CRYBG3: variants seen among roughly 807,000 people sequenced by gnomAD.
The protein encoded by CRYBG3 is very large A-kinase anchor protein.
CRYBG3 carries 127 observed loss-of-function variants against 244.2 expected under a neutral mutation model. The observed-to-expected ratio is 0.52, with a 90% CI of 0.45 to 0.60. The LOEUF is 0.60. Ranked by LOEUF, CRYBG3 falls within the 20% of genes least tolerant of loss-of-function variation. CRYBG3 has a pLI of 0.00. For missense variants in CRYBG3, 3,325 were observed against 3,442.5 expected (o/e 0.97, Z 0.85); for synonymous variants, 1,132 against 1,195.8 (o/e 0.95, Z 1.10).
Position 97,874,255 on chromosome 3 carries a change from T to C in CRYBG3, c.3061T>C (p.Ser1021Pro), listed in dbSNP as rs866040277. 5.2e-6 allele frequency: 8 copies of C among 1,535,290 alleles called. No homozygotes were observed. In the African/African-American group the frequency reaches 8.2e-5, roughly 16 times the overall value. The change falls in exon 4 of 22, where the codon TCT becomes CCT. Residue 1021 changes from serine to proline, a missense_variant. Around this residue, in one of 4 missense-constraint regions of CRYBG3, gnomAD observed 1,526 missense variants for 1,443.2 expected, o/e 1.06. Coordinates refer to ENST00000389622, the MANE Select transcript of CRYBG3 (RefSeq NM_153605.4). ...DSDSSLEKNS[S>P]ASEDSSFLKV... ...TGATTCCAGTTTGGAAAAAAATTCT[T>C]CTGCATCTGAGGACTCAAGCTTCCT...
In CRYBG3 at chr3:97,943,611, A is replaced by T; in HGVS notation, c.*297A>T. 1 of 323,078 alleles carries T rather than the reference A, an allele frequency of 3.1e-6. No individual in the cohort carries two copies. The highest frequency in any genetic ancestry group is 5.6e-6 in the Non-Finnish European group (1 of 178,472). The allele number at this position is 323,078 out of a possible 1,614,324, so 20.0% of individuals were successfully genotyped here. ...GAAGTGTTTATTTTCTCTCATATCCACCAAACGTGAATCCTGTTCCTGATG... is the reference window on the plus strand; with the variant it reads ...GAAGTGTTTATTTTCTCTCATATCCTCCAAACGTGAATCCTGTTCCTGATG... On this transcript the variant is annotated 3_prime_UTR_variant, in exon 22 of 22. Transcript: ENST00000389622.
chr3:97,876,458 T>C lies in CRYBG3; in HGVS notation c.5264T>C (p.Val1755Ala), dbSNP rs2039373233. The C allele has an allele frequency of 8.1e-7, 1 of 1,231,818 alleles. No homozygotes were observed. The highest frequency in any genetic ancestry group is 4.1e-5 in the South Asian group (1 of 24,306). 76.3% of individuals were successfully genotyped at this position (1,231,818 alleles called of 1,614,324 possible). A position where few individuals can be genotyped will look rare whatever the true frequency, so the allele number is the denominator to read the frequency against. Residue 1755 changes from valine to alanine, a missense_variant, in exon 4 of 22, where the codon GTG becomes GCG. Around this residue, in one of 4 missense-constraint regions of CRYBG3, gnomAD observed 635 missense variants for 771.7 expected, o/e 0.82. Coordinates refer to ENST00000389622, the MANE Select transcript of CRYBG3 (RefSeq NM_153605.4). ...DTERDGGKTEVMPLALEVVNT... is the reference protein window; with the variant it reads ...DTERDGGKTEAMPLALEVVNT... ...GAAAGAGACGGTGGCAAAACTGAGG[T>C]GATGCCCCTTGCATTAGAGGTAGTA...
chr3:97,881,053 T>C lies in CRYBG3; in HGVS notation c.7005-19T>C, dbSNP rs2039440475. ...TAGAAAATTAAATATAACTCATCAT[T>C]GCATTTCTCTTTGTTTAGCTGGATT... On this transcript the variant is annotated intron_variant, in intron 6 of 21. Transcript: ENST00000389622. 1 of 1,563,426 alleles carries C rather than the reference T, an allele frequency of 6.4e-7. No individual in the cohort carries two copies. The highest frequency in any genetic ancestry group is 2.0e-5 in the Admixed American group (1 of 49,198).
chr3:97,877,800 A>T lies in CRYBG3; in HGVS notation c.6606A>T (p.Glu2202Asp). The change falls in exon 4 of 22, where the codon GAA becomes GAT. Residue 2202 changes from glutamate to aspartate, a missense_variant. Around this residue, in one of 4 missense-constraint regions of CRYBG3, gnomAD observed 450 missense variants for 424.1 expected, o/e 1.06. Coordinates refer to ENST00000389622, the MANE Select transcript of CRYBG3 (RefSeq NM_153605.4). ...AGAATTCATATGTGATGCCAAATGA[A>T]CCTACTACCTCCAATCTGCAAGTTG... ...ISKNSYVMPN[E>D]PTTSNLQVGL... is the part of the protein sequence containing the mutation. 1 of 1,614,034 alleles carries T rather than the reference A, an allele frequency of 6.2e-7. No homozygotes were observed. Among genetic ancestry groups the T allele is most frequent in the Non-Finnish European group, 8.5e-7 (1 of 1,179,990 alleles).
At chr3:97,935,570 C>T (rs887016789) in intron 18 of CRYBG3, among the ~76,000 whole-genome samples, 19 of 152,180 alleles carry the variant, frequency 1.2e-4, no homozygotes, top group Non-Finnish European at 2.6e-4. Flanking sequence ...CTCAGCTCTC[C>T]CCTTCTCCCC....
chr3:97,826,599 T>G (rs1368938131), intron 1 of CRYBG3, among the ~76,000 whole-genome samples: 1 of 152,128 alleles, frequency 6.6e-6, no homozygotes, highest in Non-Finnish European at 1.5e-5. Flanking sequence ...TAGGTGGTTG[T>G]AAAATTAAGG....
At chr3:97,848,490 A>G (rs552900790) in intron 2 of CRYBG3, among the ~76,000 whole-genome samples, 1 of 152,218 alleles carries the variant, frequency 6.6e-6, no homozygotes, top group East Asian at 1.9e-4. Flanking sequence ...TTTAGTAGAG[A>G]CAAGGTTTCA....
In CRYBG3 at chr3:97,877,609, G is replaced by T. The variant is rs974814163; in HGVS notation, c.6415G>T (p.Asp2139Tyr). 6.2e-7 allele frequency: 1 copy of T among 1,614,060 alleles called. No homozygotes were observed. Among genetic ancestry groups the T allele is most frequent in the African/African-American group, 1.3e-5 (1 of 75,018 alleles). The change falls in exon 4 of 22, where the codon GAT becomes TAT. Residue 2139 changes from aspartate (D) to tyrosine (Y), a missense_variant. By Grantham distance (160) the Asp-to-Tyr change is radical (BLOSUM62 -3). This residue lies in a region of CRYBG3 where 450 missense variants were observed against 424.1 expected (regional missense o/e 1.06). Coordinates refer to ENST00000389622, the MANE Select transcript of CRYBG3 (RefSeq NM_153605.4). ...GTCAGAACGTTTAAAGATGAATTTT[G>T]ATGAAGATGACAGAGAGGCAGCTGA... ...SVSERLKMNF[D>Y]EDDREAADEE...
At chr3:97,841,206 A>T (rs566671957) in intron 1 of CRYBG3, among the ~76,000 whole-genome samples, 1 of 149,510 alleles carries the variant, frequency 6.7e-6, no homozygotes, top group Non-Finnish European at 1.5e-5. Flanking sequence ...ATATATGTAT[A>T]TATGTATATA....
At chr3:97,893,058 C>G in intron 11 of CRYBG3, 65 bp downstream of exon 11, 3 of 1,369,566 alleles carry the variant, frequency 2.2e-6, no homozygotes, top group Non-Finnish European at 3.0e-6. Context: ...CAAAAATGTG[C>G]TAAGCAAAGC....
intron 2 of CRYBG3, among the ~76,000 whole-genome samples, chr3:97,843,518 C>T (rs2038852941): frequency 1.3e-5 from 2 of 152,152 alleles, no homozygotes; most frequent in Non-Finnish European, 2.9e-5. Context: ...GTGTGATCTT[C>T]AGCTGAGGAT....
chr3:97,823,693 C>A (rs998323680), intron 1 of CRYBG3, among the ~76,000 whole-genome samples: 1 of 152,130 alleles, frequency 6.6e-6, no homozygotes, highest in Non-Finnish European at 1.5e-5. Flanking sequence ...TGCCTGCCAC[C>A]GCCGTAACAG....
chr3:97,872,045 T>C lies in CRYBG3; in HGVS notation c.851T>C (p.Leu284Ser). 3 of 1,535,782 alleles carry C rather than the reference T, an allele frequency of 2.0e-6. No individual in the cohort carries two copies. Among genetic ancestry groups the C allele is most frequent in the Non-Finnish European group, 2.6e-6 (3 of 1,146,706 alleles). ...EIEAGVLPLLLSASTDSSMKG... is the reference protein window; with the variant it reads ...EIEAGVLPLLSSASTDSSMKG... Reference sequence around the variant, plus strand: ...GAGGCTGGGGTACTGCCACTGTTGTTATCAGCTAGTACAGACTCATCTATG... The same window carrying C: ...GAGGCTGGGGTACTGCCACTGTTGTCATCAGCTAGTACAGACTCATCTATG... The change falls in exon 4 of 22, where the codon TTA becomes TCA. Residue 284 changes from leucine to serine, a missense_variant. Transcript: ENST00000389622.
At chr3:97,824,125 T>A (rs2038547743) in intron 1 of CRYBG3, among the ~76,000 whole-genome samples, 1 of 152,226 alleles carries the variant, frequency 6.6e-6, no homozygotes, top group African/African-American at 2.4e-5. Flanking sequence ...TTAAATGAGC[T>A]TAAATCTTTC....
At chr3:97,919,866 A>T (rs559767358) in intron 17 of CRYBG3, among the ~76,000 whole-genome samples, 1 of 152,230 alleles carries the variant, frequency 6.6e-6, no homozygotes, top group African/African-American at 2.4e-5. Flanking sequence ...AGGTGGCTGA[A>T]TTCTTTCTCC....
At position 97,871,882 on chromosome 3, in the gene CRYBG3, G is replaced by A; in HGVS notation, c.688G>A (p.Ala230Thr). The change falls in exon 4 of 22, where the codon GCA becomes ACA. Residue 230 changes from alanine to threonine, a missense_variant. By Grantham distance (58) the Ala-to-Thr change is moderately conservative (BLOSUM62 0). Around this residue, in one of 4 missense-constraint regions of CRYBG3, gnomAD observed 1,526 missense variants for 1,443.2 expected, o/e 1.06. Transcript: ENST00000389622. The part of the protein sequence containing the change: ...GKPEKPSVTY[A>T]TYRGPRHIGK... ...ACCAGAGAAGCCTTCAGTAACATAT[G>A]CAACATATCGAGGCCCAAGACACAT... 6.5e-7 allele frequency: 1 copy of A among 1,527,024 alleles called. No individual in the cohort carries two copies. Among genetic ancestry groups the A allele is most frequent in the Middle Eastern group, 1.7e-4 (1 of 5,928 alleles). 94.6% of individuals were successfully genotyped at this position (1,527,024 alleles called of 1,614,324 possible).
chr3:97,904,614 T>C (rs1405903132), intron 15 of CRYBG3, among the ~76,000 whole-genome samples: 1 of 152,124 alleles, frequency 6.6e-6, no homozygotes, highest in Non-Finnish European at 1.5e-5. Flanking sequence ...ACTGGGAATG[T>C]AGTTAGTGAA....
rs1216562777 is a variant in CRYBG3, at chr3:97,876,866, T to G, written c.5672T>G (p.Phe1891Cys). The change falls in exon 4 of 22, where the codon TTT (phenylalanine) becomes TGT (cysteine). Residue 1891 changes from phenylalanine to cysteine, a missense_variant. Around this residue, in one of 4 missense-constraint regions of CRYBG3, gnomAD observed 635 missense variants for 771.7 expected, o/e 0.82. Coordinates refer to ENST00000389622, the MANE Select transcript of CRYBG3 (RefSeq NM_153605.4). Reference protein sequence around the residue: ...TKQGEAMLPAFESKTPQEYAE... With the variant: ...TKQGEAMLPACESKTPQEYAE... ...CAAGGGGAGGCCATGCTTCCTGCAT[T>G]TGAAAGTAAAACACCACAAGAGTAT... 77 of 1,379,366 alleles carry G rather than the reference T, an allele frequency of 5.6e-5. No individual in the cohort carries two copies. The highest frequency in any genetic ancestry group is 7.0e-5 in the Non-Finnish European group (75 of 1,067,028). 85.4% of individuals were successfully genotyped at this position (1,379,366 alleles called of 1,614,324 possible).
chr3:97,857,807 A>G (rs2039088044), intron 2 of CRYBG3, among the ~76,000 whole-genome samples: 1 of 151,948 alleles, frequency 6.6e-6, no homozygotes, highest in Admixed American at 6.6e-5. Context: ...GAATTTAACC[A>G]TTTACATTTA....
Sources: gnomAD v4.1 joint callset for allele counts (sites outside exome capture counted in the v4.1 genomes callset) on GRCh38, gnomAD v4.1.1 for gene constraint, gnomAD v4.1.1 regional missense constraint, MANE v1.5 for transcripts, NCBI Gene and HGNC (gene_info 2026-07-23, HGNC 2026-07-21) for gene names.